The following LEKR1 variants were observed in gnomAD, a reference collection of about 807,000 sequenced individuals.
The protein encoded by LEKR1 is leucine, glutamate and lysine rich 1, also known as protein LEKR1.
A neutral mutation model predicts 72.4 loss-of-function variants in LEKR1; 59 were observed. That is an observed-to-expected ratio of 0.82 (90% CI 0.66 to 1.01). LEKR1 has a LOEUF of 1.01. Ranked by LOEUF, LEKR1 falls within the 50% of genes least tolerant of loss-of-function variation. LEKR1 has a pLI of 0.00. For synonymous variants in LEKR1, 257 were observed against 263.2 expected (o/e 0.98, Z 0.23); for missense variants, 728 against 759.2 (o/e 0.96, Z 0.48).
At chr3:156,883,890 A>G (rs1167163253) in intron 3 of LEKR1, among the ~76,000 whole-genome samples, 2 of 152,186 alleles carry the variant, frequency 1.3e-5, no homozygotes, top group Non-Finnish European at 2.9e-5. Flanking sequence ...GAAGTCCTCA[A>G]CTATTAATGT....
At chr3:156,975,957 G>A (rs1460050598) in intron 6 of LEKR1, among the ~76,000 whole-genome samples, 1 of 152,138 alleles carries the variant, frequency 6.6e-6, no homozygotes, top group Non-Finnish European at 1.5e-5. Flanking sequence ...CTATAGAGAA[G>A]GACTGGGCAG....
chr3:157,000,443 A>G (rs898510939), intron 9 of LEKR1, among the ~76,000 whole-genome samples: 2 of 152,184 alleles, frequency 1.3e-5, no homozygotes, highest in African/African-American at 2.4e-5. Flanking sequence ...CTTTAGAATT[A>G]GGTAAACATA....
intron 7 of LEKR1, among the ~76,000 whole-genome samples, chr3:156,986,872 TCAAAAACAATG>T (rs1730734170): frequency 6.6e-6 from 1 of 152,148 alleles, no homozygotes. Flanking sequence ...AGTGGAGGAA[TCAAAAACAATG>T]CTTTTGATTT....
chr3:156,887,872 T>C (rs1720265647), intron 3 of LEKR1, among the ~76,000 whole-genome samples: 1 of 152,190 alleles, frequency 6.6e-6, no homozygotes, highest in East Asian at 1.9e-4. Context: ...TCTTGAGAAA[T>C]ATATTTGAAT....
intron 6 of LEKR1, among the ~76,000 whole-genome samples, chr3:156,960,367 C>T (rs992443846): frequency 1.3e-5 from 2 of 152,112 alleles, no homozygotes; most frequent in Non-Finnish European, 2.9e-5. Context: ...CTCACTGCAA[C>T]CTCCACCTCC....
chr3:156,911,371 A>G, intron 3 of LEKR1, among the ~76,000 whole-genome samples: 1 of 151,152 alleles, frequency 6.6e-6, no homozygotes, highest in Admixed American at 6.6e-5. Context: ...TTTCTTGTTG[A>G]ATTGTTTAAA....
intron 3 of LEKR1, among the ~76,000 whole-genome samples, chr3:156,877,918 G>C (rs1223084155): frequency 6.6e-6 from 1 of 152,048 alleles, no homozygotes; most frequent in Non-Finnish European, 1.5e-5. Flanking sequence ...TAGTAGCTGG[G>C]ATTCCAGGTG....
intron 3 of LEKR1, among the ~76,000 whole-genome samples, chr3:156,918,536 A>G (rs1419012207): frequency 6.6e-6 from 1 of 152,130 alleles, no homozygotes; most frequent in East Asian, 1.9e-4. Context: ...TAGACCAGAG[A>G]GTTGGAAGGA....
At position 157,045,948 on chromosome 3, in the gene LEKR1, T is replaced by TAAC; in HGVS notation, c.*200_*202dup. The TAAC allele has an allele frequency of 1.8e-6, 1 of 553,242 alleles. No individual in the cohort carries two copies. The highest frequency in any genetic ancestry group is 3.2e-6 in the Non-Finnish European group (1 of 316,556). 34.3% of individuals were successfully genotyped at this position (553,242 alleles called of 1,614,324 possible). On this transcript the variant is annotated 3_prime_UTR_variant, in exon 13 of 13. Transcript: ENST00000356539. ...ATTTTTCAAGAGGGTTTTGATAGAG[T>TAAC]AACAGATCATTAAGTTGTTGGTATT...
chr3:156,993,621 A>AT (rs1478478257), intron 9 of LEKR1, among the ~76,000 whole-genome samples: 1 of 150,982 alleles, frequency 6.6e-6, no homozygotes, highest in Non-Finnish European at 1.5e-5. Flanking sequence ...AGATTCTATC[A>AT]TTTTTCCAAC....
rs747386635 is a variant in LEKR1 at position 157,028,226 on chromosome 3, G to C, written c.1492G>C (p.Glu498Gln). Residue 498 changes from glutamate (E) to glutamine (Q), a missense_variant, in exon 12 of 13, where the codon GAA becomes CAA. Glu to Gln is a conservative substitution (Grantham distance 29, BLOSUM62 2). Transcript: ENST00000356539. ...ATCTAATTCAAAGGAAAAAGAAATTGAAAATCTTAAAAATTTGGTTGCAGA... is the reference window on the plus strand; with the variant it reads ...ATCTAATTCAAAGGAAAAAGAAATTCAAAATCTTAAAAATTTGGTTGCAGA... Reference protein sequence around the residue: ...EESNSKEKEIENLKNLVAEFE... With the variant: ...EESNSKEKEIQNLKNLVAEFE... The C allele has an allele frequency of 6.2e-7, 1 of 1,613,330 alleles. No individual in the cohort carries two copies. Among genetic ancestry groups the C allele is most frequent in the Non-Finnish European group, 8.5e-7 (1 of 1,179,554 alleles).
In LEKR1 at chr3:156,992,655, A is replaced by G. The variant is rs1448770929; in HGVS notation, c.830A>G (p.Asn277Ser). 3 of 778,410 alleles carry G rather than the reference A, an allele frequency of 3.9e-6. No individual in the cohort carries two copies. The highest frequency in any genetic ancestry group is 5.1e-6 in the Non-Finnish European group (3 of 591,870). The allele number at this position is 778,410 out of a possible 1,614,324, so 48.2% of individuals were successfully genotyped here. A position where few individuals can be genotyped will look rare whatever the true frequency, so the allele number is the denominator to read the frequency against. Reference sequence around the variant, plus strand: ...TAACTTCTTTTGTATTATTTTAGGAATAAATCTAATGAAGCTGATGACTGT... The same window carrying G: ...TAACTTCTTTTGTATTATTTTAGGAGTAAATCTAATGAAGCTGATGACTGT... ...EMDNYKEMLM[N>S]KSNEADDCQR... The change falls in exon 8 of 13, where the codon AAT (asparagine) becomes AGT (serine). Residue 277 changes from asparagine (N) to serine (S), a missense_variant and splice_region_variant. Physicochemically the swap from Asn to Ser is conservative, Grantham distance 46. Transcript: ENST00000356539.
chr3:156,885,738 A>G (rs1234803182), intron 3 of LEKR1, among the ~76,000 whole-genome samples: 2 of 152,236 alleles, frequency 1.3e-5, no homozygotes, highest in African/African-American at 4.8e-5. Flanking sequence ...GCTTTCTTAA[A>G]TGCTGGTTAT....
At chr3:157,043,615 G>A (rs560166499) in intron 12 of LEKR1, among the ~76,000 whole-genome samples, 4 of 152,356 alleles carry the variant, frequency 2.6e-5, no homozygotes, top group Non-Finnish European at 4.4e-5. Context: ...ACATAACAGT[G>A]TGAGCTTCAG....
intron 12 of LEKR1, among the ~76,000 whole-genome samples, chr3:157,033,388 T>C (rs1734755983): frequency 6.6e-6 from 1 of 152,212 alleles, no homozygotes; most frequent in African/African-American, 2.4e-5. Context: ...AGTGAATACA[T>C]GAATGATAAG....
Position 156,898,799 on chromosome 3 carries a change from C to G in LEKR1, c.264-21776C>G, listed in dbSNP as rs144018549. Reference sequence around the variant, plus strand: ...GTTTAAAATGTTAGTAAAGCATTTGCTATGGCAAAGAAACTGCTAAAACAA... The same window carrying G: ...GTTTAAAATGTTAGTAAAGCATTTGGTATGGCAAAGAAACTGCTAAAACAA... On this transcript the variant is annotated intron_variant, in intron 3 of 12. Transcript: ENST00000356539. Among the ~76,000 whole-genome samples the G allele has an allele frequency of 9.2e-3, 1,403 of 152,128 alleles. 17 individuals are homozygous for G. The highest frequency in any genetic ancestry group is 0.033 in the African/African-American group (1,354 of 41,488).
intron 3 of LEKR1, among the ~76,000 whole-genome samples, chr3:156,869,633 G>A (rs1037346475): frequency 6.6e-6 from 1 of 151,718 alleles, no homozygotes; most frequent in Non-Finnish European, 1.5e-5. Context: ...TGGATTGCAG[G>A]TATTTTCTCC....
At chr3:156,998,497 A>T (rs1026443627) in intron 9 of LEKR1, among the ~76,000 whole-genome samples, 2 of 151,826 alleles carry the variant, frequency 1.3e-5, no homozygotes, top group Admixed American at 1.3e-4. Flanking sequence ...ATCTTGGTAA[A>T]CTCCAAGAAA....
At chr3:157,005,837 G>A (rs1185640079) in intron 9 of LEKR1, among the ~76,000 whole-genome samples, 2 of 152,072 alleles carry the variant, frequency 1.3e-5, no homozygotes, top group Admixed American at 6.5e-5. Flanking sequence ...TAGAAACTCA[G>A]TTACATGAAC....
Sources: gnomAD v4.1 joint callset for allele counts (sites outside exome capture counted in the v4.1 genomes callset) on GRCh38, gnomAD v4.1.1 for gene constraint, MANE v1.5 for transcripts, NCBI Gene and HGNC (gene_info 2026-07-23, HGNC 2026-07-21) for gene names.